Variants in BMERB1 observed in about 807,000 individuals in gnomAD.
BMERB1 encodes the protein bMERB domain containing 1.
BMERB1 carries 12 observed loss-of-function variants against 23.6 expected under a neutral mutation model. The observed-to-expected ratio is 0.51, with a 90% CI of 0.33 to 0.82. The LOEUF (loss-of-function observed/expected upper bound fraction) is 0.82. Among genes scored for constraint, BMERB1 ranks in the 40% least tolerant of loss-of-function variants. BMERB1 has a pLI of 0.03. For synonymous variants in BMERB1, 122 were observed against 96.6 expected (o/e 1.26, Z -1.54); for missense variants, 247 against 255.4 (o/e 0.97, Z 0.22).
intron 1 of BMERB1, among the ~76,000 whole-genome samples, chr16:15,488,986 C>G (rs2051392848): frequency 2.0e-5 from 3 of 150,418 alleles, no homozygotes; most frequent in Admixed American, 6.6e-5. Context: ...CAAAGTCTAT[C>G]TGTTTATCCC....
intron 1 of BMERB1, chr16:15,447,841 A>G (rs956919539): frequency 6.6e-6 from 3 of 455,832 alleles, no homozygotes; most frequent in African/African-American, 6.0e-5. Context: ...AGGACTGGCA[A>G]TATGGGGCCA....
At chr16:15,444,423 T>C (rs1368922659) in intron 1 of BMERB1, among the ~76,000 whole-genome samples, 3 of 152,140 alleles carry the variant, frequency 2.0e-5, no homozygotes, top group African/African-American at 7.2e-5. Flanking sequence ...CTTCCTCTGC[T>C]GCTTCCTAGC....
chr16:15,529,306 G>A (rs138203020), intron 2 of BMERB1, among the ~76,000 whole-genome samples: 7,098 of 152,160 alleles, frequency 0.047, 529 homozygotes, highest in African/African-American at 0.15. Context: ...GATTACAGGC[G>A]TGAGCCACCG....
At chr16:15,435,034 T>C (rs892888548) in intron 1 of BMERB1, among the ~76,000 whole-genome samples, 1 of 152,230 alleles carries the variant, frequency 6.6e-6, no homozygotes, top group Admixed American at 6.5e-5. Context: ...GAGTCCCGGA[T>C]CCGTCAGCTC....
At chr16:15,569,782 T>C (rs1358059950) in intron 3 of BMERB1, among the ~76,000 whole-genome samples, 1 of 152,190 alleles carries the variant, frequency 6.6e-6, no homozygotes, top group Non-Finnish European at 1.5e-5. Context: ...ATAGTGATGT[T>C]ATCTGCAGGA....
At chr16:15,533,029 G>A (rs1163518726) in intron 2 of BMERB1, 3 of 455,784 alleles carry the variant, frequency 6.6e-6, no homozygotes, top group South Asian at 1.5e-5. Context: ...TCTGAGCCTC[G>A]GTGGCCTCAT....
At chr16:15,512,408 A>AGGGCCC (rs1007193490) in intron 1 of BMERB1, among the ~76,000 whole-genome samples, 1 of 152,192 alleles carries the variant, frequency 6.6e-6, no homozygotes, top group Non-Finnish European at 1.5e-5. Flanking sequence ...TGCAAGGGCC[A>AGGGCCC]GGGCCCCAGG....
At chr16:15,523,207 C>G (rs559214503) in intron 2 of BMERB1, among the ~76,000 whole-genome samples, 4 of 152,206 alleles carry the variant, frequency 2.6e-5, no homozygotes, top group Admixed American at 2.0e-4. Flanking sequence ...TGCTCTTCTG[C>G]CAGCGTGTTC....
chr16:15,501,594 C>T (rs377712797), intron 1 of BMERB1, among the ~76,000 whole-genome samples: 3 of 152,204 alleles, frequency 2.0e-5, no homozygotes, highest in African/African-American at 4.8e-5. Flanking sequence ...CCTGCCTCAG[C>T]GTCCTGAATA....
At chr16:15,577,095 T>C (rs1218732247) in intron 3 of BMERB1, 1 of 152,178 alleles carries the variant, frequency 6.6e-6, no homozygotes, top group Non-Finnish European at 1.5e-5. Context: ...AACTTTCCAC[T>C]TGGGCGGCGC....
chr16:15,515,553 C>G, intron 2 of BMERB1, 125 bp downstream of exon 2: 1 of 1,323,960 alleles, frequency 7.6e-7, no homozygotes, highest in Non-Finnish European at 9.9e-7. Context: ...TTTTTAAAAG[C>G]CTCATTTGAT....
intron 1 of BMERB1, among the ~76,000 whole-genome samples, chr16:15,449,281 C>T (rs898154145): frequency 1.3e-5 from 2 of 152,152 alleles, no homozygotes; most frequent in East Asian, 3.9e-4. Flanking sequence ...CCTAAGTGAA[C>T]TAATGCGTGT....
intron 2 of BMERB1, among the ~76,000 whole-genome samples, chr16:15,549,830 A>G (rs2030032493): frequency 6.6e-6 from 1 of 152,184 alleles, no homozygotes; most frequent in Non-Finnish European, 1.5e-5. Context: ...TTAAAATTGC[A>G]TAGTTTCTAT....
chr16:15,564,537 G>A (rs936449306), intron 2 of BMERB1, among the ~76,000 whole-genome samples: 2 of 152,164 alleles, frequency 1.3e-5, no homozygotes, highest in Non-Finnish European at 2.9e-5. Flanking sequence ...TCTATAATTG[G>A]TTTATTTGCA....
chr16:15,447,151 C>A (rs1019566102), intron 1 of BMERB1, among the ~76,000 whole-genome samples: 1 of 152,052 alleles, frequency 6.6e-6, no homozygotes, highest in Non-Finnish European at 1.5e-5. Flanking sequence ...TGTATTGGTC[C>A]GTTTTCACAC....
rs548553017 is a variant in BMERB1, at chr16:15,476,041, G to GC, written c.107-39258dup. Among the ~76,000 whole-genome samples the GC allele has an allele frequency of 2.4e-4, 37 of 152,062 alleles. No homozygotes were observed. The East Asian group carries it at 5.8e-3, about 24-fold the overall frequency. ...ACTTGACTTTCTGATGTGGTCTAAA[G>GC]CCCCCCTGTGAACAAACACACTTTT... On this transcript the variant is annotated intron_variant, in intron 1 of 5. Transcript: ENST00000300006.
chr16:15,572,895 T>C (rs1332203980), intron 3 of BMERB1, among the ~76,000 whole-genome samples: 1 of 152,190 alleles, frequency 6.6e-6, no homozygotes, highest in Non-Finnish European at 1.5e-5. Flanking sequence ...CTGATGGTTT[T>C]ATAAGGGGTT....
At chr16:15,584,787 T>C (rs988176021) in intron 5 of BMERB1, among the ~76,000 whole-genome samples, 9 of 152,170 alleles carry the variant, frequency 5.9e-5, no homozygotes, top group African/African-American at 2.2e-4. Flanking sequence ...CCTAGAACCA[T>C]AGCTTAGCAA....
At chr16:15,583,711 C>T (rs986262383) in intron 5 of BMERB1, among the ~76,000 whole-genome samples, 9 of 152,016 alleles carry the variant, frequency 5.9e-5, no homozygotes, top group African/African-American at 7.3e-5. Context: ...ACCAGCCTCA[C>T]GGGCCTGCAG....
Sources: allele counts gnomAD v4.1 joint callset (sites outside exome capture counted in the v4.1 genomes callset), GRCh38; gene constraint gnomAD v4.1.1; transcripts MANE v1.5; gene names NCBI Gene and HGNC (gene_info 2026-07-23, HGNC 2026-07-21).